Variants in TSPAN4 observed in about 807,000 individuals in gnomAD.
TSPAN4 encodes tetraspanin 4.
In TSPAN4, 38 loss-of-function variants were observed where a neutral mutation model predicts 31.5. That is an observed-to-expected ratio of 1.21 (90% confidence interval 0.93 to 1.58). The LOEUF is 1.58. TSPAN4 is among the 40% of genes most tolerant of loss of function. TSPAN4 has a pLI of 0.00. For synonymous variants in TSPAN4, 186 were observed against 144.6 expected, an observed-to-expected ratio of 1.29 and a Z score of -2.06; for missense variants, 330 against 317.3, an observed-to-expected ratio of 1.04 and a Z score of -0.30.
chr11:862,240 C>G (rs527344487), intron 3 of TSPAN4: 1 of 382,636 alleles, frequency 2.6e-6, no homozygotes, highest in South Asian at 5.5e-5. Context: ...GATCCCGTCC[C>G]TTTGGCTCCA....
intron 3 of TSPAN4, among the ~76,000 whole-genome samples, chr11:851,440 C>T (rs913923105): frequency 6.6e-6 from 1 of 152,240 alleles, no homozygotes. Flanking sequence ...GGGCCAAGTG[C>T]CCAGAAGCCT....
intron 4 of TSPAN4, 87 bp downstream of exon 4, chr11:862,828 C>A (rs186280022): frequency 1.5e-6 from 2 of 1,364,930 alleles, no homozygotes; most frequent in Non-Finnish European, 2.0e-6. Context: ...GCCGCAGTGA[C>A]CCCCCAGACG....
chr11:856,130 G>A (rs1297960276), intron 3 of TSPAN4, among the ~76,000 whole-genome samples: 1 of 152,178 alleles, frequency 6.6e-6, no homozygotes, highest in African/African-American at 2.4e-5. Context: ...AGCAGAGAAT[G>A]CATGGGCCTC....
chr11:859,889 C>G (rs1487916050), intron 3 of TSPAN4: 3 of 152,254 alleles, frequency 2.0e-5, no homozygotes, highest in Non-Finnish European at 2.9e-5. Flanking sequence ...GCTGTGTGGT[C>G]AGAGCCAGCA....
intron 3 of TSPAN4, among the ~76,000 whole-genome samples, chr11:854,705 C>CT (rs1451598552): frequency 1.4e-5 from 2 of 146,950 alleles, no homozygotes; most frequent in East Asian, 4.1e-4. Flanking sequence ...GGCCTCTGCT[C>CT]TAAGATCAGC....
chr11:858,613 C>T (rs1320425835), intron 3 of TSPAN4: 2 of 154,524 alleles, frequency 1.3e-5, no homozygotes, highest in African/African-American at 5.1e-5. Flanking sequence ...CACTTCGGCT[C>T]ACACGCACTC....
At chr11:864,730 T>C in intron 5 of TSPAN4, 3 of 613,568 alleles carry the variant, frequency 4.9e-6, no homozygotes, top group South Asian at 3.9e-5. Flanking sequence ...AGGGCACTGC[T>C]ACCCCACCCG....
intron 1 of TSPAN4, among the ~76,000 whole-genome samples, chr11:845,644 G>T (rs1012825838): frequency 3.3e-5 from 5 of 152,120 alleles, no homozygotes; most frequent in Non-Finnish European, 7.4e-5. Flanking sequence ...AGCCTGGGGG[G>T]TGTGGGAAGG....
chr11:855,142 C>T, intron 3 of TSPAN4, among the ~76,000 whole-genome samples: 1 of 152,128 alleles, frequency 6.6e-6, no homozygotes, highest in Admixed American at 6.5e-5. Context: ...CTCCACGGGG[C>T]CTCTGCAGGT....
chr11:848,192 G>A lies in TSPAN4; in HGVS notation c.-18+892G>A, dbSNP rs1426119151. On this transcript the variant is annotated intron_variant, in intron 2 of 8. Transcript: ENST00000397397. This position sits in a 1 kb window ranked among gnomAD's most constrained non-coding sequence, Gnocchi z 5.7. ...CTCTCTGGGCAGAGCTGCGGGTGAGGGTTTCTGTCAGGGTTGGGGTCCCAG... is the reference window on the plus strand; with the variant it reads ...CTCTCTGGGCAGAGCTGCGGGTGAGAGTTTCTGTCAGGGTTGGGGTCCCAG... Among the ~76,000 whole-genome samples, 1 of 151,914 alleles carries A rather than the reference G, an allele frequency of 6.6e-6. No homozygotes were observed. The highest frequency in any genetic ancestry group is 1.5e-5 in the Non-Finnish European group (1 of 67,936).
rs536120885 is a variant in TSPAN4 at position 861,037 on chromosome 11, C to T, written c.64-1513C>T. Among the ~76,000 whole-genome samples, 18 of 152,340 alleles carry T rather than the reference C, an allele frequency of 1.2e-4. No individual in the cohort carries two copies. The South Asian group carries it at 1.9e-3, about 16-fold the overall frequency. ...ACATATCTCCCGTCTCATCCTGAAACGGCCCAAGCCCGAGGCCTCTGTCTG... is the reference window on the plus strand; with the variant it reads ...ACATATCTCCCGTCTCATCCTGAAATGGCCCAAGCCCGAGGCCTCTGTCTG... On this transcript the variant is annotated intron_variant, in intron 3 of 8. Transcript: ENST00000397397.
intron 8 of TSPAN4, among the ~76,000 whole-genome samples, chr11:866,268 G>C (rs957274998): frequency 3.3e-5 from 5 of 152,146 alleles, no homozygotes; most frequent in Admixed American, 6.5e-5. Context: ...CCAGTGCACA[G>C]AGGGTGGCAG....
chr11:864,617 C>T, intron 5 of TSPAN4, 106 bp downstream of exon 5: 1 of 1,457,028 alleles, frequency 6.9e-7, no homozygotes, highest in South Asian at 1.1e-5. Flanking sequence ...TGCATGTGCC[C>T]TCACGGGCAG....
intron 3 of TSPAN4, among the ~76,000 whole-genome samples, chr11:861,789 G>A (rs992623068): frequency 6.6e-6 from 1 of 151,976 alleles, no homozygotes; most frequent in African/African-American, 2.4e-5. Flanking sequence ...TGTGGTGGGG[G>A]CATGCCTGTA....
chr11:850,948 T>C (rs1847656784), intron 3 of TSPAN4, among the ~76,000 whole-genome samples: 1 of 152,232 alleles, frequency 6.6e-6, no homozygotes, highest in African/African-American at 2.4e-5. Flanking sequence ...GGGCCATCAG[T>C]GTTCGCGGGA....
At chr11:858,865 C>T (rs1311468533) in intron 3 of TSPAN4, among the ~76,000 whole-genome samples, 3 of 144,486 alleles carry the variant, frequency 2.1e-5, no homozygotes, top group South Asian at 2.2e-4. Context: ...CATGCACCCC[C>T]GGCTCCCATG....
At chr11:851,304 G>A (rs1353785355) in intron 3 of TSPAN4, among the ~76,000 whole-genome samples, 2 of 152,218 alleles carry the variant, frequency 1.3e-5, no homozygotes, top group Admixed American at 6.5e-5. Flanking sequence ...TGATACCAAG[G>A]TCATTCTGTG....
In TSPAN4 at chr11:848,473, T is replaced by G; in HGVS notation, c.-18+1173T>G. On this transcript the variant is annotated intron_variant, in intron 2 of 8. Coordinates refer to ENST00000397397, the MANE Select transcript of TSPAN4 (RefSeq NM_003271.5). This position sits in a 1 kb window ranked among gnomAD's most constrained non-coding sequence, Gnocchi z 5.7. ...TGGGCTGCAGTTCTCTACAGAGCCC[T>G]TGGGGGGCAGCAGAGGCTTGGGGCA... Among the ~76,000 whole-genome samples the G allele has an allele frequency of 6.6e-6, 1 of 151,974 alleles. No individual in the cohort carries two copies. The highest frequency in any genetic ancestry group is 1.5e-5 in the Non-Finnish European group (1 of 67,940).
chr11:865,504 C>CAA lies in TSPAN4; in HGVS notation c.331-8_331-7insAA. ...GGAGGGGCCCTGCTGACCCCCCCCG[C>CAA]ACCCCCAGATTGACAGGTATGCCCA... On this transcript the variant is annotated splice_polypyrimidine_tract_variant and intron_variant, in intron 5 of 8. Transcript: ENST00000397397. The CAA allele has an allele frequency of 6.2e-7, 1 of 1,608,052 alleles. No individual in the cohort carries two copies.
Sources: allele counts gnomAD v4.1 joint callset (sites outside exome capture counted in the v4.1 genomes callset), GRCh38; gene constraint gnomAD v4.1.1; non-coding constraint Gnocchi (gnomAD v3.1); transcripts MANE v1.5; gene names NCBI Gene and HGNC (gene_info 2026-07-23, HGNC 2026-07-21).